The following CCNE1 variants were observed in gnomAD, a reference collection of about 807,000 sequenced individuals.
CCNE1 encodes the protein G1/S-specific cyclin-E1.
In CCNE1, 8 loss-of-function variants were observed where a neutral mutation model predicts 54.1. The observed-to-expected ratio is 0.15, with a 90% CI of 0.09 to 0.27. The LOEUF is 0.27. Ranked by LOEUF, CCNE1 falls within the 10% of genes least tolerant of loss-of-function variation. The pLI, the probability that CCNE1 is intolerant of heterozygous loss-of-function variation, is 1.00. For missense variants in CCNE1, 430 were observed against 514.9 expected (o/e 0.84, Z 1.60); for synonymous variants, 179 against 185.2 (o/e 0.97, Z 0.27).
chr19:29,815,622 C>CTTTTTT (rs778868229), intron 4 of CCNE1, among the ~76,000 whole-genome samples: 1 of 99,646 alleles, frequency 1.0e-5, no homozygotes, highest in South Asian at 3.5e-4. Flanking sequence ...ATGGTCTCTG[C>CTTTTTT]TTTTTTTTTT....
At chr19:29,822,399 C>A (rs761869334) in intron 10 of CCNE1, 47 bp from the exon 11 acceptor site, 6 of 1,613,826 alleles carry the variant, frequency 3.7e-6, no homozygotes, top group Non-Finnish European at 5.1e-6. Context: ...ACTAAGCTTA[C>A]ATCCAGTTGT....
chr19:29,814,182 GT>G (rs200966424), intron 4 of CCNE1, among the ~76,000 whole-genome samples: 16 of 149,722 alleles, frequency 1.1e-4, no homozygotes, highest in African/African-American at 1.2e-4. Context: ...CATATCCCCA[GT>G]TTTTTTTTTC....
chr19:29,814,248 G>A (rs1973959653), intron 4 of CCNE1, among the ~76,000 whole-genome samples: 1 of 151,816 alleles, frequency 6.6e-6, no homozygotes, highest in Non-Finnish European at 1.5e-5. Flanking sequence ...ATTATAAAAT[G>A]AATTCTGACT....
In CCNE1 at chr19:29,817,253, A is replaced by T. The variant is rs748726668; in HGVS notation, c.297A>T (p.Pro99=). Residue 99 remains proline (P), a synonymous_variant, in exon 5 of 12, where the codon CCA becomes CCT. Coordinates refer to ENST00000262643, the MANE Select transcript of CCNE1 (RefSeq NM_001238.4). ...NSTCKPRIIA[P]SRGSPLPVLS... The stretch of plus-strand genomic sequence containing the variant: ...CGTGCAAGCCTCGGATTATTGCACC[A>T]TCCAGAGGCTCCCCGCTGCCTGTAC... 3 of 1,614,062 alleles carry T rather than the reference A, an allele frequency of 1.9e-6. No homozygotes were observed. The East Asian group carries it at 6.7e-5, about 36-fold the overall frequency.
rs1159380589 is a variant in CCNE1, at chr19:29,818,126, A to C, written c.462+585A>C. On this transcript the variant is annotated intron_variant, in intron 6 of 11. Coordinates refer to ENST00000262643, the MANE Select transcript of CCNE1 (RefSeq NM_001238.4). ...ACTGCAAGCTCCTCCTCCCGGGTTC[A>C]TGCCATTCTCCTGCCTCAGCCTCCC... Among the ~76,000 whole-genome samples the C allele has an allele frequency of 2.0e-5, 3 of 150,456 alleles. No homozygotes were observed. The Admixed American group carries it at 2.0e-4, about 10-fold the overall frequency.
chr19:29,823,562 A>C, intron 11 of CCNE1, 93 bp from the exon 12 acceptor site: 1 of 1,220,330 alleles, frequency 8.2e-7, no homozygotes, highest in Non-Finnish European at 1.1e-6. Context: ...AAAAAAAAAA[A>C]ATTTAAAAAT....
chr19:29,822,300 G>A lies in CCNE1; in HGVS notation c.901G>A (p.Ala301Thr). Residue 301 changes from alanine to threonine, a missense_variant, in exon 10 of 12, where the codon GCT becomes ACT. This residue lies in a region of CCNE1 where 303 missense variants were observed against 401.1 expected (regional missense o/e 0.76). Coordinates refer to ENST00000262643, the MANE Select transcript of CCNE1 (RefSeq NM_001238.4). ...CLEFPYGILA[A>T]SALYHFSSSE... The stretch of plus-strand genomic sequence containing the variant: ...TGAATTTCCTTATGGTATACTTGCT[G>A]CTTCGGCCTTGTATCATTTCTCGTC... The A allele has an allele frequency of 6.2e-7, 1 of 1,614,110 alleles. No individual in the cohort carries two copies. The highest frequency in any genetic ancestry group is 8.5e-7 in the Non-Finnish European group (1 of 1,180,018).
chr19:29,818,165 T>C lies in CCNE1; in HGVS notation c.462+624T>C, dbSNP rs540268982. ...CCTCAGCCTCCCGAGTAGCTGGGAC[T>C]ACAGGCGCCCGCCACCACGTCTGGC... On this transcript the variant is annotated intron_variant, in intron 6 of 11. Coordinates refer to ENST00000262643, the MANE Select transcript of CCNE1 (RefSeq NM_001238.4). 8.5e-5 allele frequency among the ~76,000 whole-genome samples: 13 copies of C among 152,220 alleles called. No homozygotes were observed. In the South Asian group the frequency reaches 2.7e-3, roughly 32 times the overall value.
chr19:29,823,160 A>G (rs915712546), intron 11 of CCNE1, among the ~76,000 whole-genome samples: 5 of 152,130 alleles, frequency 3.3e-5, no homozygotes, highest in African/African-American at 1.2e-4. Context: ...GGCCAGACAC[A>G]GTGGCTTTTG....
intron 6 of CCNE1, among the ~76,000 whole-genome samples, chr19:29,817,857 C>CTTTTTTTTTTTTTTTTTTTTT (rs34598025): frequency 1.0e-5 from 1 of 95,910 alleles, no homozygotes; most frequent in Non-Finnish European, 1.9e-5. Context: ...CATTAAATTG[C>CTTTTTTTTTTTTTTTTTTTTT]TTTTTTTTTT....
At chr19:29,816,731 T>C (rs1311726120) in intron 4 of CCNE1, among the ~76,000 whole-genome samples, 2 of 152,238 alleles carry the variant, frequency 1.3e-5, no homozygotes, top group South Asian at 2.1e-4. Context: ...TTTTAAGTTT[T>C]AGGGTACATG....
chr19:29,823,377 CTA>C (rs1197576006), intron 11 of CCNE1, among the ~76,000 whole-genome samples: 3 of 152,082 alleles, frequency 2.0e-5, no homozygotes, highest in African/African-American at 7.2e-5. Flanking sequence ...AACCCTGTCT[CTA>C]TGAAAAATAC....
At chr19:29,816,096 T>C (rs10414632) in intron 4 of CCNE1, among the ~76,000 whole-genome samples, 13,482 of 147,580 alleles carry the variant, frequency 0.091, 978 homozygotes, top group East Asian at 0.24. Context: ...GCAGAGGTTG[T>C]AGTGAGCTGA....
intron 6 of CCNE1, 87 bp downstream of exon 6, chr19:29,817,628 C>T (rs1974055722): frequency 5.8e-6 from 8 of 1,375,702 alleles, no homozygotes; most frequent in Non-Finnish European, 8.3e-6. Context: ...TGGTTTATTC[C>T]CTCGACATGT....
chr19:29,821,314 G>A (rs1051443542), intron 7 of CCNE1, among the ~76,000 whole-genome samples: 11 of 152,302 alleles, frequency 7.2e-5, no homozygotes, highest in African/African-American at 2.4e-4. Flanking sequence ...TGGAGCCCAG[G>A]TGGCCGAGGT....
At chr19:29,813,121 G>A in intron 4 of CCNE1, 84 bp downstream of exon 4, 4 of 1,250,814 alleles carry the variant, frequency 3.2e-6, no homozygotes, top group Non-Finnish European at 4.7e-6. Flanking sequence ...GTCTCTTGCT[G>A]GAGACACTCT....
At chr19:29,815,825 C>T (rs1974002565) in intron 4 of CCNE1, among the ~76,000 whole-genome samples, 1 of 150,226 alleles carries the variant, frequency 6.7e-6, no homozygotes, top group African/African-American at 2.5e-5. Context: ...GACGGGGTTT[C>T]ACCAGGTTGG....
chr19:29,813,720 C>G (rs987891983), intron 4 of CCNE1, among the ~76,000 whole-genome samples: 1 of 152,136 alleles, frequency 6.6e-6, no homozygotes, highest in African/African-American at 2.4e-5. Context: ...TTAAGGAGTT[C>G]CTGCCAAATT....
rs1211002286 is a variant in CCNE1, at chr19:29,812,953, G to A, written c.112-16G>A. On this transcript the variant is annotated splice_polypyrimidine_tract_variant and intron_variant, in intron 3 of 11. Transcript: ENST00000262643. ...TGGTGTGTTTCCTTGGGGTCATGGGGGTGGCTTCATGTTAGTTTTTGCAGG... is the reference window on the plus strand; with the variant it reads ...TGGTGTGTTTCCTTGGGGTCATGGGAGTGGCTTCATGTTAGTTTTTGCAGG... 1.2e-6 allele frequency: 2 copies of A among 1,613,990 alleles called. No individual in the cohort carries two copies. The highest frequency in any genetic ancestry group is 1.7e-6 in the Non-Finnish European group (2 of 1,179,876).
Sources: gnomAD v4.1 joint callset for allele counts (sites outside exome capture counted in the v4.1 genomes callset) on GRCh38, gnomAD v4.1.1 for gene constraint, gnomAD v4.1.1 regional missense constraint, MANE v1.5 for transcripts, NCBI Gene and HGNC (gene_info 2026-07-23, HGNC 2026-07-21) for gene names.